EYS: variants seen among roughly 807,000 people sequenced by gnomAD.
The protein encoded by EYS is protein eyes shut homolog.
EYS carries 250 observed loss-of-function variants against 282.1 expected under a neutral mutation model. The ratio of observed to expected loss-of-function variants is 0.89; its 90% CI spans 0.80 to 0.98. The LOEUF is 0.98. EYS is among the 50% of genes least tolerant of loss of function. The pLI is 0.00. For synonymous variants in EYS, 1,355 were observed against 1,282.9 expected, an observed-to-expected ratio of 1.06 and a Z score of -1.20; for missense variants, 4,016 against 3,709.0, an observed-to-expected ratio of 1.08 and a Z score of -2.15.
intron 12 of EYS, among the ~76,000 whole-genome samples, chr6:65,170,031 G>C: frequency 6.6e-6 from 1 of 151,486 alleles, no homozygotes; most frequent in Non-Finnish European, 1.5e-5. Context: ...ACTTTCACCT[G>C]CAAGAACTAT....
chr6:64,147,489 C>T (rs1237610235), intron 31 of EYS, among the ~76,000 whole-genome samples: 1 of 152,094 alleles, frequency 6.6e-6, no homozygotes, highest in Non-Finnish European at 1.5e-5. Context: ...TTACTAATTC[C>T]TTACTCCATG....
chr6:65,103,825 C>T (rs1774961465), intron 12 of EYS, among the ~76,000 whole-genome samples: 1 of 151,360 alleles, frequency 6.6e-6, no homozygotes, highest in Non-Finnish European at 1.5e-5. Context: ...CATTAATAGT[C>T]ACCCCCAGAA....
At chr6:64,599,835 A>G (rs1016624383) in intron 24 of EYS, among the ~76,000 whole-genome samples, 1 of 152,138 alleles carries the variant, frequency 6.6e-6, no homozygotes, top group Non-Finnish European at 1.5e-5. Flanking sequence ...TTTGTTATCA[A>G]TATTTCTAAG....
intron 19 of EYS, among the ~76,000 whole-genome samples, chr6:64,851,117 A>G (rs1262847223): frequency 6.6e-6 from 1 of 152,120 alleles, no homozygotes; most frequent in Non-Finnish European, 1.5e-5. Flanking sequence ...TGAGAAAATA[A>G]CATGGAAGCG....
At chr6:64,352,785 T>A (rs1771686604) in intron 29 of EYS, among the ~76,000 whole-genome samples, 1 of 151,596 alleles carries the variant, frequency 6.6e-6, no homozygotes, top group Admixed American at 6.6e-5. Context: ...GAGTAATAAT[T>A]GTTTTTGCCC....
At chr6:64,987,149 C>G (rs1770885394) in intron 14 of EYS, among the ~76,000 whole-genome samples, 1 of 151,422 alleles carries the variant, frequency 6.6e-6, no homozygotes, top group Non-Finnish European at 1.5e-5. Flanking sequence ...CGACAAGCAG[C>G]TTTTACTTGT....
chr6:65,005,832 T>C (rs1371729741), intron 13 of EYS, among the ~76,000 whole-genome samples: 1 of 152,206 alleles, frequency 6.6e-6, no homozygotes, highest in African/African-American at 2.4e-5. Context: ...GCCAGAAGTC[T>C]CTACCCAGCA....
intron 34 of EYS, among the ~76,000 whole-genome samples, chr6:63,995,577 G>A (rs1767798578): frequency 6.6e-6 from 1 of 151,928 alleles, no homozygotes; most frequent in Non-Finnish European, 1.5e-5. Flanking sequence ...CTGGAAATAG[G>A]ATAAATAGGA....
At chr6:64,389,044 A>G (rs1292212212) in intron 28 of EYS, among the ~76,000 whole-genome samples, 2 of 152,264 alleles carry the variant, frequency 1.3e-5, no homozygotes, top group African/African-American at 4.8e-5. Flanking sequence ...TTGACAAAAC[A>G]ACAAATTATA....
chr6:64,180,092 G>C (rs1764746255), intron 31 of EYS, among the ~76,000 whole-genome samples: 1 of 152,072 alleles, frequency 6.6e-6, no homozygotes, highest in African/African-American at 2.4e-5. Flanking sequence ...AGCAGTTCAA[G>C]GTTTTTCTAT....
intron 26 of EYS, among the ~76,000 whole-genome samples, chr6:64,477,354 A>T (rs150140979): frequency 1.4e-4 from 21 of 152,216 alleles, no homozygotes; most frequent in African/African-American, 4.8e-4. Context: ...TCCCCTCCCC[A>T]TCACCTTGTA....
At chr6:65,587,922 T>C (rs971876518) in intron 2 of EYS, among the ~76,000 whole-genome samples, 2 of 152,092 alleles carry the variant, frequency 1.3e-5, no homozygotes, top group Non-Finnish European at 2.9e-5. Flanking sequence ...GCTTTTATTA[T>C]CAAAGTTAAA....
At chr6:64,247,644 G>GA (rs1169479685) in intron 30 of EYS, among the ~76,000 whole-genome samples, 4 of 151,858 alleles carry the variant, frequency 2.6e-5, no homozygotes, top group Non-Finnish European at 5.9e-5. Context: ...TAGAGTCGAG[G>GA]AAAAAAGGCA....
At chr6:63,864,067 C>G (rs1002811359) in intron 36 of EYS, 119 bp downstream of exon 36, 1 of 985,444 alleles carries the variant, frequency 1.0e-6, no homozygotes, top group Non-Finnish European at 1.4e-6. Flanking sequence ...TGAAAAGAAC[C>G]CAGAAGAAGA....
intron 30 of EYS, among the ~76,000 whole-genome samples, chr6:64,245,639 C>G (rs979848796): frequency 6.6e-6 from 1 of 152,112 alleles, no homozygotes; most frequent in Admixed American, 6.6e-5. Flanking sequence ...TCAGCTGGTT[C>G]CTGTCTCATG....
At chr6:65,203,621 C>T (rs998277446) in intron 12 of EYS, among the ~76,000 whole-genome samples, 1 of 152,072 alleles carries the variant, frequency 6.6e-6, no homozygotes, top group African/African-American at 2.4e-5. Context: ...ATGACAGCAT[C>T]TACATATGAA....
At chr6:64,586,822 A>G (rs963386218) in intron 26 of EYS, among the ~76,000 whole-genome samples, 6 of 152,054 alleles carry the variant, frequency 3.9e-5, no homozygotes, top group Non-Finnish European at 7.4e-5. Flanking sequence ...TATTTTTCCT[A>G]TCCATTGCTA....
At chr6:64,528,402 C>G (rs1022033725) in intron 26 of EYS, among the ~76,000 whole-genome samples, 12 of 151,828 alleles carry the variant, frequency 7.9e-5, no homozygotes, top group African/African-American at 2.4e-4. Context: ...TTCTTCTATT[C>G]TTTTTTCTCC....
chr6:64,899,359 AAAT>A (rs1158038160), intron 18 of EYS, among the ~76,000 whole-genome samples: 3 of 152,022 alleles, frequency 2.0e-5, no homozygotes, highest in Admixed American at 6.6e-5. Flanking sequence ...ACTACTGGGT[AAAT>A]AACAAAATCA....
Sources: gnomAD v4.1 joint callset for allele counts (sites outside exome capture counted in the v4.1 genomes callset) on GRCh38, gnomAD v4.1.1 for gene constraint, MANE v1.5 for transcripts, NCBI Gene and HGNC (gene_info 2026-07-23, HGNC 2026-07-21) for gene names.